ZNF594: variants seen among roughly 807,000 people sequenced by gnomAD.
ZNF594 encodes zinc finger protein HZF18.
For synonymous variants in ZNF594, 336 were observed against 309.4 expected (o/e 1.09, Z -0.90); for missense variants, 1,037 against 964.6 (o/e 1.08, Z -0.99).
intron 1 of ZNF594, among the ~76,000 whole-genome samples, chr17:5,187,128 A>G (rs956894128): frequency 6.6e-6 from 1 of 152,262 alleles, no homozygotes; most frequent in African/African-American, 2.4e-5. Flanking sequence ...TGATGAAGAC[A>G]TACCCGAGAC....
downstream of ZNF594, among the ~76,000 whole-genome samples, chr17:5,177,834 C>G (rs2074316203): frequency 6.6e-6 from 1 of 151,550 alleles, no homozygotes; most frequent in Non-Finnish European, 1.5e-5. Context: ...AGACTCTGTC[C>G]CCCAAAAAAT....
intron 1 of ZNF594, among the ~76,000 whole-genome samples, chr17:5,188,259 A>C (rs1015010772): frequency 3.4e-5 from 4 of 117,596 alleles, no homozygotes; most frequent in Non-Finnish European, 5.3e-5. Flanking sequence ...AGTAGATTAA[A>C]GGCTGCCCTT....
chr17:5,179,197 C>G (rs368169616), downstream of ZNF594, among the ~76,000 whole-genome samples: 1 of 148,070 alleles, frequency 6.8e-6, no homozygotes, highest in African/African-American at 2.5e-5. Flanking sequence ...CACACACTTC[C>G]CTCCCTCCAC....
intron 1 of ZNF594, among the ~76,000 whole-genome samples, chr17:5,186,402 C>A (rs1399919112): frequency 6.6e-6 from 1 of 152,220 alleles, no homozygotes; most frequent in Non-Finnish European, 1.5e-5. Flanking sequence ...CACCAAGTCC[C>A]TAGGCTGGAC....
rs74349194 is a variant in ZNF594 at position 5,183,423 on chromosome 17, T to C, written c.834A>G (p.Gln278=). The change falls in exon 2 of 2, where the codon CAA becomes CAG. Residue 278 remains glutamine, a synonymous_variant. Coordinates refer to ENST00000575779, the MANE Select transcript of ZNF594 (RefSeq NM_032530.2). ...ECYDCGQMFS[Q]SSHLVPHQRI... ...TCTGATGTGGGACAAGGTGTGAACT[T>C]TGACTGAACATCTGTCCACAGTCAT... 1.9e-6 allele frequency: 3 copies of C among 1,613,826 alleles called. No individual in the cohort carries two copies. Among genetic ancestry groups the C allele is most frequent in the South Asian group, 1.1e-5 (1 of 91,082 alleles).
intron 1 of ZNF594, 105 bp downstream of exon 1, chr17:5,191,630 ATCCTCCTGCGGTC>A (rs1338504109): frequency 6.6e-6 from 1 of 152,264 alleles, no homozygotes; most frequent in Non-Finnish European, 1.5e-5. Flanking sequence ...CGGCGCCTAC[ATCCTCCTGCGGTC>A]CCCCAGGCCT....
chr17:5,186,926 C>A (rs2074389755), intron 1 of ZNF594, among the ~76,000 whole-genome samples: 1 of 152,326 alleles, frequency 6.6e-6, no homozygotes, highest in Admixed American at 6.5e-5. Flanking sequence ...TGCTGTCAGG[C>A]CTTTGGTCAA....
downstream of ZNF594, among the ~76,000 whole-genome samples, chr17:5,178,095 T>A (rs1442348201): frequency 6.7e-6 from 1 of 149,436 alleles, no homozygotes; most frequent in Non-Finnish European, 1.5e-5. Context: ...GAAGCCAGCA[T>A]TACTTTGACA....
At position 5,181,067 on chromosome 17, in the gene ZNF594, T is replaced by C; in HGVS notation, c.*766A>G. The C allele has an allele frequency of 1.5e-6, 2 of 1,318,776 alleles. No individual in the cohort carries two copies. Among genetic ancestry groups the C allele is most frequent in the Non-Finnish European group, 2.2e-6 (2 of 923,480 alleles). 81.7% of individuals were successfully genotyped at this position (1,318,776 alleles called of 1,614,324 possible). On this transcript the variant is annotated 3_prime_UTR_variant, in exon 2 of 2. Coordinates refer to ENST00000575779, the MANE Select transcript of ZNF594 (RefSeq NM_032530.2). ...TACCACAGTTGCTACATTCAAAGGG[T>C]TTCTCTCTGGTATGAATTCTTTGAT...
In ZNF594 at chr17:5,191,762, C is replaced by G. The variant is rs533472816; in HGVS notation, c.-35G>C. The G allele has an allele frequency of 1.1e-4, 17 of 152,468 alleles. No homozygotes were observed. The highest frequency in any genetic ancestry group is 3.8e-4 in the African/African-American group (16 of 41,584). The allele number at this position is 152,468 out of a possible 1,614,324, so 9.4% of individuals were successfully genotyped here. A position where few individuals can be genotyped will look rare whatever the true frequency, so the allele number is the denominator to read the frequency against. On this transcript the variant is annotated 5_prime_UTR_variant, in exon 1 of 2. Transcript: ENST00000575779. ...CGGGGTCTCACCTCCAGGCTACCCC[C>G]AACCTCCCGCTCGGTCGGGGGCCCC...
chr17:5,183,170 GCTC>G lies in ZNF594; in HGVS notation c.1084_1086del (p.Glu362del). On this transcript the variant is annotated inframe_deletion, in exon 2 of 2. Transcript: ENST00000575779. ...TGGTGAATTCTCTGCTCTTCCCTAAGCTCCTCATCCTTGCTGAAGGTTTTCTCA... is the reference window on the plus strand; with the variant it reads ...TGGTGAATTCTCTGCTCTTCCCTAAGCTCATCCTTGCTGAAGGTTTTCTCA... 6.2e-7 allele frequency: 1 copy of G among 1,614,072 alleles called. No homozygotes were observed. The highest frequency in any genetic ancestry group is 8.5e-7 in the Non-Finnish European group (1 of 1,180,034).
At position 5,183,745 on chromosome 17, in the gene ZNF594, A is replaced by G. The variant is rs9908414; in HGVS notation, c.512T>C (p.Ile171Thr). Residue 171 changes from isoleucine to threonine, a missense_variant, in exon 2 of 2, where the codon ATT becomes ACT. Coordinates refer to ENST00000575779, the MANE Select transcript of ZNF594 (RefSeq NM_032530.2). ...TCCTGTATGAATTCTCTGATGTATA[A>G]TAAGATTTGAACTTTGATTAGAGTC... ...GKDSNQSSNLIIHQRIHTGKK... is the reference protein window; with the variant it reads ...GKDSNQSSNLTIHQRIHTGKK... 0.41 allele frequency: 656,912 copies of G among 1,600,300 alleles called. 143,206 individuals carry two copies. The highest frequency in any genetic ancestry group is 0.46 in the Non-Finnish European group (538,929 of 1,179,766).
At chr17:5,184,941 A>C (rs927996989) in intron 1 of ZNF594, among the ~76,000 whole-genome samples, 1 of 152,200 alleles carries the variant, frequency 6.6e-6, no homozygotes. Flanking sequence ...TTTCCTCCCT[A>C]TATATCATGA....
downstream of ZNF594, among the ~76,000 whole-genome samples, chr17:5,177,356 G>A (rs183196427): frequency 6.6e-5 from 10 of 152,204 alleles, no homozygotes; most frequent in Admixed American, 3.9e-4. Flanking sequence ...AGGAGGGTTC[G>A]GTGAAATACT....
Position 5,181,291 on chromosome 17 carries a change from T to C in ZNF594, c.*542A>G. 3.1e-6 allele frequency: 5 copies of C among 1,612,786 alleles called. No individual in the cohort carries two copies. The highest frequency in any genetic ancestry group is 4.2e-6 in the Non-Finnish European group (5 of 1,178,830). On this transcript the variant is annotated 3_prime_UTR_variant, in exon 2 of 2. Coordinates refer to ENST00000575779, the MANE Select transcript of ZNF594 (RefSeq NM_032530.2). ...AGAAGGTCTGAGCTCTGATTGAAAG[T>C]TTTCCCACATTCTTTACATTCATAT...
At chr17:5,186,061 G>A (rs982636330) in intron 1 of ZNF594, among the ~76,000 whole-genome samples, 8 of 152,168 alleles carry the variant, frequency 5.3e-5, no homozygotes, top group African/African-American at 1.7e-4. Context: ...GAGGTCATTG[G>A]CCCTCTTCTC....
intron 1 of ZNF594, 89 bp from the exon 2 acceptor site, chr17:5,184,365 G>T: frequency 7.8e-7 from 1 of 1,274,872 alleles, no homozygotes; most frequent in Non-Finnish European, 1.1e-6. Context: ...GAGGAACAAA[G>T]AACTCAGAAG....
rs144194420 is a variant in ZNF594 at position 5,186,460 on chromosome 17, G to A, written c.-20-2184C>T. Among the ~76,000 whole-genome samples the A allele has an allele frequency of 9.5e-3, 1,446 of 152,330 alleles. 20 individuals are homozygous for A. The highest frequency in any genetic ancestry group is 0.033 in the African/African-American group (1,382 of 41,568). The stretch of plus-strand genomic sequence containing the variant: ...GGCCCACAAAACCATTTTCTCCTAG[G>A]CCTCCAGGCCTGTGATGGGAGGGGC... On this transcript the variant is annotated intron_variant, in intron 1 of 1. Coordinates refer to ENST00000575779, the MANE Select transcript of ZNF594 (RefSeq NM_032530.2).
downstream of ZNF594, among the ~76,000 whole-genome samples, chr17:5,176,430 CAT>C (rs1046430819): frequency 6.2e-5 from 9 of 144,328 alleles, no homozygotes; most frequent in East Asian, 2.0e-4. Flanking sequence ...TAAAATGAAA[CAT>C]GTTGAATCAG....
Sources: gnomAD v4.1 joint callset for allele counts (sites outside exome capture counted in the v4.1 genomes callset) on GRCh38, gnomAD v4.1.1 for gene constraint, MANE v1.5 for transcripts, NCBI Gene and HGNC (gene_info 2026-07-23, HGNC 2026-07-21) for gene names.